The following POU3F3 variants were observed in gnomAD, a reference collection of about 807,000 sequenced individuals.
POU3F3 encodes POU class 3 homeobox 3.
Under a neutral mutation model 8.6 loss-of-function variants are expected in POU3F3, and 1 was observed. The ratio of observed to expected loss-of-function variants is 0.12; its 90% CI spans 0.04 to 0.55. POU3F3 has a LOEUF of 0.55. Among genes scored for constraint, POU3F3 ranks in the 20% least tolerant of loss-of-function variants. The pLI is 0.91. For synonymous variants in POU3F3, 418 were observed against 327.4 expected (o/e 1.28, Z -2.99); for missense variants, 577 against 690.7 (o/e 0.84, Z 1.84).
At chr2:104,884,796 G>T in the POU3F3 span, among the ~76,000 whole-genome samples, 1 of 152,208 alleles carries the variant, frequency 6.6e-6, no homozygotes, top group Admixed American at 6.5e-5. Flanking sequence ...GGACGTCTTA[G>T]TGATCGTCTT....
At chr2:104,909,046 G>A in the POU3F3 span, among the ~76,000 whole-genome samples, 1 of 152,048 alleles carries the variant, frequency 6.6e-6, no homozygotes, top group Non-Finnish European at 1.5e-5. Flanking sequence ...ACACGTGATA[G>A]TAATATTGGG....
At position 104,856,578 on chromosome 2, in the gene POU3F3, G is replaced by A. The variant is rs1290180343; in HGVS notation, c.1068G>A (p.Ser356=). 1.2e-6 allele frequency: 2 copies of A among 1,614,028 alleles called. No homozygotes were observed. The highest frequency in any genetic ancestry group is 1.7e-6 in the Non-Finnish European group (2 of 1,180,040). Residue 356 remains serine, a synonymous_variant, in exon 1 of 1, where the codon TCG becomes TCA. Transcript: ENST00000361360. ...ALGTLYGNVF[S]QTTICRFEAL... ...GCACACTCTACGGCAACGTGTTCTC[G>A]CAGACCACCATCTGCCGCTTCGAGG...
chr2:104,855,597 T>TGGCGGCGGCGGGGGTGGCGGCGGC lies in POU3F3; in HGVS notation c.102_125dup (p.Gly36_Gly43dup). On this transcript the variant is annotated inframe_insertion, in exon 1 of 1. Coordinates refer to ENST00000361360, the MANE Select transcript of POU3F3 (RefSeq NM_006236.3). ...TTGTGCACTCGGACGCGGCAGGGGC[T>TGGCGGCGGCGGGGGTGGCGGCGGC]GGCGGCGGCGGGGGTGGCGGCGGCG... 1.0e-6 allele frequency: 1 copy of TGGCGGCGGCGGGGGTGGCGGCGGC among 963,482 alleles called. No individual in the cohort carries two copies. The highest frequency in any genetic ancestry group is 1.2e-6 in the Non-Finnish European group (1 of 822,642). 59.7% of individuals were successfully genotyped at this position (963,482 alleles called of 1,614,324 possible). A position where few individuals can be genotyped will look rare whatever the true frequency, so the allele number is the denominator to read the frequency against.
At chr2:104,863,178 A>ATT (rs915796317), downstream of POU3F3, among the ~76,000 whole-genome samples, 1 of 144,244 alleles carries the variant, frequency 6.9e-6, no homozygotes, top group Non-Finnish European at 1.5e-5. Context: ...TATTATTATT[A>ATT]TTATTATTAT....
chr2:104,861,440 T>G (rs1676653690), downstream of POU3F3, among the ~76,000 whole-genome samples: 2 of 152,218 alleles, frequency 1.3e-5, no homozygotes, highest in African/African-American at 4.8e-5. Flanking sequence ...TTTCATGAAA[T>G]GCACGTGGCT....
At chr2:104,910,889 T>TA in the POU3F3 span, among the ~76,000 whole-genome samples, 147 of 151,728 alleles carry the variant, frequency 9.7e-4, 1 homozygote, top group African/African-American at 3.4e-3. Context: ...ATAAAAACAA[T>TA]AAAAAAATAC....
the POU3F3 span, among the ~76,000 whole-genome samples, chr2:104,886,125 T>G: frequency 6.6e-6 from 1 of 152,164 alleles, no homozygotes; most frequent in Non-Finnish European, 1.5e-5. Context: ...ATAGACTTGC[T>G]TTCACTTTAC....
At chr2:104,868,938 G>A in the POU3F3 span, among the ~76,000 whole-genome samples, 2 of 152,320 alleles carry the variant, frequency 1.3e-5, no homozygotes, top group South Asian at 4.1e-4. Context: ...AGTGGGGTGA[G>A]GGTGGGGCAG....
chr2:104,922,424 A>G, the POU3F3 span, among the ~76,000 whole-genome samples: 1 of 151,072 alleles, frequency 6.6e-6, no homozygotes, highest in Non-Finnish European at 1.5e-5. Flanking sequence ...AAAGGAAATC[A>G]TGTAAAAAGT....
At chr2:104,854,087 G>C, upstream of POU3F3, among the ~76,000 whole-genome samples, 1 of 152,220 alleles carries the variant, frequency 6.6e-6, no homozygotes, top group Non-Finnish European at 1.5e-5. This position sits in a 1 kb window ranked among gnomAD's most constrained non-coding sequence, Gnocchi z 4.5. Flanking sequence ...GTGTGGTGGT[G>C]GGTGCGCGCT....
At chr2:104,879,993 G>A in the POU3F3 span, among the ~76,000 whole-genome samples, 8 of 152,100 alleles carry the variant, frequency 5.3e-5, no homozygotes, top group African/African-American at 9.7e-5. Flanking sequence ...CTAAGATTTC[G>A]AATGCATTTT....
chr2:104,893,883 C>CAAAAAAAAAAAAAAAAAAAAAAAAAAAA, the POU3F3 span, among the ~76,000 whole-genome samples: 1 of 87,802 alleles, frequency 1.1e-5, no homozygotes, highest in Non-Finnish European at 2.3e-5. Context: ...AACTCTGTCT[C>CAAAAAAAAAAAAAAAAAAAAAAAAAAAA]AAAAAAAAAA....
chr2:104,884,985 C>CGGGCA, the POU3F3 span, among the ~76,000 whole-genome samples: 1 of 151,932 alleles, frequency 6.6e-6, no homozygotes, highest in South Asian at 2.1e-4. Context: ...TTTGGTGGGA[C>CGGGCA]GGGCAAGGAG....
the POU3F3 span, among the ~76,000 whole-genome samples, chr2:104,902,451 A>C: frequency 6.6e-6 from 1 of 152,226 alleles, no homozygotes; most frequent in Non-Finnish European, 1.5e-5. Flanking sequence ...GTCATTTAAC[A>C]TAAAACATAA....
chr2:104,915,808 G>A, the POU3F3 span, among the ~76,000 whole-genome samples: 2 of 152,024 alleles, frequency 1.3e-5, no homozygotes, highest in South Asian at 2.1e-4. Flanking sequence ...ACTTCCTTTG[G>A]AGTGTGGGTT....
At chr2:104,906,176 GTTGCATCT>G in the POU3F3 span, among the ~76,000 whole-genome samples, 3 of 152,078 alleles carry the variant, frequency 2.0e-5, no homozygotes, top group Non-Finnish European at 4.4e-5. Context: ...TTTTTTTCCT[GTTGCATCT>G]TTGATCCATT....
the POU3F3 span, among the ~76,000 whole-genome samples, chr2:104,877,465 G>C: frequency 6.6e-6 from 1 of 151,942 alleles, no homozygotes; most frequent in Non-Finnish European, 1.5e-5. Flanking sequence ...TATCAGTGGA[G>C]GATCTCCACT....
the POU3F3 span, among the ~76,000 whole-genome samples, chr2:104,910,482 G>A: frequency 9.2e-5 from 14 of 152,114 alleles, no homozygotes; most frequent in East Asian, 3.9e-4. Context: ...CAGGCAGATC[G>A]TGTAAACTCT....
At chr2:104,869,193 G>A in the POU3F3 span, among the ~76,000 whole-genome samples, 6 of 152,314 alleles carry the variant, frequency 3.9e-5, no homozygotes, top group South Asian at 4.1e-4. Flanking sequence ...GGTGGATTCC[G>A]GCTGGGAAAA....
Sources: allele counts gnomAD v4.1 joint callset (sites outside exome capture counted in the v4.1 genomes callset), GRCh38; gene constraint gnomAD v4.1.1; non-coding constraint Gnocchi (gnomAD v3.1); transcripts MANE v1.5; gene names NCBI Gene and HGNC (gene_info 2026-07-23, HGNC 2026-07-21).